Variants in DCLK1 observed in about 807,000 individuals in gnomAD.
The protein encoded by DCLK1 is serine/threonine-protein kinase DCLK1.
DCLK1 carries 16 observed loss-of-function variants against 86.2 expected under a neutral mutation model. The observed-to-expected ratio is 0.19, with a 90% CI of 0.13 to 0.28. The LOEUF is 0.28. DCLK1 is among the 10% of genes least tolerant of loss of function. The pLI is 1.00. For missense variants in DCLK1, 590 were observed against 940.2 expected, an observed-to-expected ratio of 0.63 and a Z score of 4.87; for synonymous variants, 369 against 370.5, an observed-to-expected ratio of 1.00 and a Z score of 0.05.
At chr13:36,120,797 CTG>C (rs61062165) in intron 2 of DCLK1, among the ~76,000 whole-genome samples, 90,643 of 151,900 alleles carry the variant, frequency 0.6, 27,699 homozygotes, top group East Asian at 0.86. Context: ...ATATGAAAAA[CTG>C]TATGAGAAGA....
intron 3 of DCLK1, among the ~76,000 whole-genome samples, chr13:36,110,632 T>C (rs1885577725): frequency 6.6e-6 from 1 of 152,124 alleles, no homozygotes; most frequent in Admixed American, 6.6e-5. Context: ...GATCAATCTT[T>C]TAATTCATGG....
intron 3 of DCLK1, among the ~76,000 whole-genome samples, chr13:35,958,081 CTAT>C (rs1878145747): frequency 4.4e-5 from 6 of 134,980 alleles, no homozygotes; most frequent in Admixed American, 7.5e-5. Context: ...ACCACCACTA[CTAT>C]AACCATCACC....
At chr13:36,067,653 G>T (rs533147976) in intron 3 of DCLK1, among the ~76,000 whole-genome samples, 1 of 152,122 alleles carries the variant, frequency 6.6e-6, no homozygotes, top group South Asian at 2.1e-4. Flanking sequence ...CAGAAACTAA[G>T]GCCTTAAGCA....
intron 8 of DCLK1, among the ~76,000 whole-genome samples, chr13:35,833,223 C>T (rs917722439): frequency 4.6e-5 from 7 of 152,046 alleles, no homozygotes; most frequent in Non-Finnish European, 8.8e-5. Flanking sequence ...GTGGGGAAGA[C>T]GACCAAGAGC....
chr13:35,968,576 A>G (rs939717587), intron 3 of DCLK1, among the ~76,000 whole-genome samples: 1 of 152,292 alleles, frequency 6.6e-6, no homozygotes, highest in East Asian at 1.9e-4. Context: ...CTGACAATAC[A>G]ACAATAGCAT....
intron 3 of DCLK1, among the ~76,000 whole-genome samples, chr13:35,964,805 C>T (rs1276787346): frequency 6.7e-6 from 1 of 149,176 alleles, no homozygotes; most frequent in African/African-American, 2.5e-5. Context: ...AAAACTCAAG[C>T]GAAGAATCAC....
chr13:35,798,101 C>G (rs962499181), intron 15 of DCLK1, among the ~76,000 whole-genome samples: 1 of 152,194 alleles, frequency 6.6e-6, no homozygotes, highest in African/African-American at 2.4e-5. Flanking sequence ...CTTGGCAGAG[C>G]ATTGCAACTG....
At chr13:35,842,988 A>C (rs1241092999) in intron 6 of DCLK1, among the ~76,000 whole-genome samples, 2 of 152,206 alleles carry the variant, frequency 1.3e-5, no homozygotes, top group African/African-American at 2.4e-5. Flanking sequence ...AGGATTTCGA[A>C]CATAGTAAAG....
In DCLK1 at chr13:36,013,471, T is replaced by G. The variant is rs1209649713; in HGVS notation, c.724-66014A>C. 7.0e-4 allele frequency among the ~76,000 whole-genome samples: 107 copies of G among 152,138 alleles called. 1 individual carries two copies. The South Asian group carries it at 0.011, about 16-fold the overall frequency. On this transcript the variant is annotated intron_variant, in intron 3 of 16. Transcript: ENST00000360631. ...AGACAGGACCCTCAGCTGCAGGTCT[T>G]TTGGAATACTCTGCTGTGTGAGGTG...
chr13:36,029,302 G>A (rs1882172879), intron 3 of DCLK1, among the ~76,000 whole-genome samples: 1 of 152,102 alleles, frequency 6.6e-6, no homozygotes, highest in South Asian at 2.1e-4. Context: ...TTTGTAACAT[G>A]AGTCATAGTG....
intron 4 of DCLK1, among the ~76,000 whole-genome samples, chr13:35,916,124 T>A (rs887040328): frequency 6.6e-6 from 1 of 152,134 alleles, no homozygotes; most frequent in Non-Finnish European, 1.5e-5. Flanking sequence ...TAGCATAGGC[T>A]TACACTAGAT....
chr13:36,112,246 T>G lies in DCLK1; in HGVS notation c.377-31A>C, dbSNP rs763693823. On this transcript the variant is annotated intron_variant, in intron 2 of 16. Transcript: ENST00000360631. ...GAAGAGAGAAATATATTTAAATTTA[T>G]ACTAAAATATGCCCATTTCTTTTTT... The G allele has an allele frequency of 3.5e-6, 5 of 1,440,972 alleles. No individual in the cohort carries two copies. In the African/African-American group the frequency reaches 7.2e-5, roughly 21 times the overall value. The allele number at this position is 1,440,972 out of a possible 1,614,324, so 89.3% of individuals were successfully genotyped here. A position where few individuals can be genotyped will look rare whatever the true frequency, so the allele number is the denominator to read the frequency against.
chr13:35,852,201 G>A (rs1593661818), intron 6 of DCLK1, among the ~76,000 whole-genome samples: 2 of 152,314 alleles, frequency 1.3e-5, no homozygotes, highest in East Asian at 1.9e-4. Context: ...CTGCATAGGA[G>A]TATAGCCAAT....
chr13:36,037,151 A>G (rs1238762980), intron 3 of DCLK1, among the ~76,000 whole-genome samples: 2 of 152,194 alleles, frequency 1.3e-5, no homozygotes, highest in African/African-American at 2.4e-5. Context: ...CAGAAAGACA[A>G]ATATCACCTG....
intron 10 of DCLK1, among the ~76,000 whole-genome samples, chr13:35,824,926 G>T (rs1014587253): frequency 2.6e-5 from 4 of 152,072 alleles, no homozygotes; most frequent in Admixed American, 6.6e-5. Context: ...CGCCCTTCCT[G>T]AAGTGTCCCA....
rs374523704 is a variant in DCLK1, at chr13:35,855,871, G to A, written c.941-1278C>T. The stretch of plus-strand genomic sequence containing the variant: ...TGAATCATAATGAAGTGGCCCTGGG[G>A]GCAAGAGATCCAGTGACTCATCTGA... On this transcript the variant is annotated intron_variant, in intron 5 of 16. Transcript: ENST00000360631. 1.2e-5 allele frequency: 14 copies of A among 1,125,100 alleles called. No individual in the cohort carries two copies. In the Admixed American group the frequency reaches 2.8e-4, roughly 23 times the overall value. The allele number at this position is 1,125,100 out of a possible 1,614,324, so 69.7% of individuals were successfully genotyped here.
At chr13:36,030,436 G>T (rs539484594) in intron 3 of DCLK1, among the ~76,000 whole-genome samples, 1 of 147,148 alleles carries the variant, frequency 6.8e-6, no homozygotes, top group Non-Finnish European at 1.5e-5. Context: ...AGCTGGGATT[G>T]TAGGTGCCCG....
chr13:35,908,539 T>C (rs1303109779), intron 4 of DCLK1, among the ~76,000 whole-genome samples: 2 of 152,240 alleles, frequency 1.3e-5, no homozygotes, highest in Admixed American at 6.5e-5. Flanking sequence ...CAAAACAGTA[T>C]GTAACATTTC....
intron 3 of DCLK1, among the ~76,000 whole-genome samples, chr13:36,021,592 G>A (rs1421810343): frequency 6.6e-6 from 1 of 152,078 alleles, no homozygotes; most frequent in Non-Finnish European, 1.5e-5. Context: ...GAGAGCTGGA[G>A]TGGCTATGCT....
Sources: gnomAD v4.1 joint callset for allele counts (sites outside exome capture counted in the v4.1 genomes callset) on GRCh38, gnomAD v4.1.1 for gene constraint, MANE v1.5 for transcripts, NCBI Gene and HGNC (gene_info 2026-07-23, HGNC 2026-07-21) for gene names.